The following CLMP variants were observed in gnomAD, a reference collection of about 807,000 sequenced individuals.
The protein encoded by CLMP is CXADR like cell adhesion molecule, also known as CXADR-like membrane protein.
In CLMP, 27 loss-of-function variants were observed where a neutral mutation model predicts 45.2. The ratio of observed to expected loss-of-function variants is 0.60; its 90% CI spans 0.44 to 0.82. The LOEUF is 0.82. Ranked by LOEUF, CLMP falls within the 40% of genes least tolerant of loss-of-function variation. The pLI is 0.00. For missense variants in CLMP, 403 were observed against 448.4 expected (o/e 0.90, Z 0.91); for synonymous variants, 167 against 171.4 (o/e 0.97, Z 0.20).
Position 123,074,753 on chromosome 11 carries a change from C to A in CLMP, c.770G>T (p.Arg257Leu). The change falls in exon 6 of 7, where the codon CGA (arginine) becomes CTA (leucine). Residue 257 changes from arginine to leucine, a missense_variant. Transcript: ENST00000448775. ...LIFLLVWLLI[R>L]RKDKERYEEE... ...CTCATATCTTTCTTTGTCTTTCCTTCGGATTAGCAGCCACACCAAGAGGAA... is the reference window on the plus strand; with the variant it reads ...CTCATATCTTTCTTTGTCTTTCCTTAGGATTAGCAGCCACACCAAGAGGAA... 1 of 1,614,136 alleles carries A rather than the reference C, an allele frequency of 6.2e-7. No homozygotes were observed. The highest frequency in any genetic ancestry group is 8.5e-7 in the Non-Finnish European group (1 of 1,180,022).
chr11:123,175,146 G>A (rs1246527619), intron 1 of CLMP, among the ~76,000 whole-genome samples: 3 of 152,014 alleles, frequency 2.0e-5, no homozygotes, highest in Non-Finnish European at 4.4e-5. Flanking sequence ...TTTAAGAGAC[G>A]GGGTGTATTA....
intron 1 of CLMP, among the ~76,000 whole-genome samples, chr11:123,132,406 A>G (rs912118646): frequency 1.3e-5 from 2 of 152,092 alleles, no homozygotes; most frequent in Non-Finnish European, 2.9e-5. Context: ...CTGTGCTCTG[A>G]GGTGATAACT....
At chr11:123,160,536 A>C (rs576584639) in intron 1 of CLMP, among the ~76,000 whole-genome samples, 1 of 152,304 alleles carries the variant, frequency 6.6e-6, no homozygotes, top group African/African-American at 2.4e-5. Context: ...GAGCTGAATT[A>C]TGCAGAATTA....
intron 1 of CLMP, among the ~76,000 whole-genome samples, chr11:123,107,121 C>A (rs1165717355): frequency 6.6e-6 from 1 of 151,360 alleles, no homozygotes; most frequent in East Asian, 1.9e-4. Flanking sequence ...AGTGCAGTGG[C>A]ACAATCATAA....
intron 2 of CLMP, among the ~76,000 whole-genome samples, chr11:123,093,500 C>T (rs1231759239): frequency 7.0e-6 from 1 of 142,756 alleles, no homozygotes; most frequent in Non-Finnish European, 1.5e-5. Flanking sequence ...GTGCCTACCA[C>T]CATGCCTGGC....
chr11:123,102,077 G>A (rs1490256530), intron 1 of CLMP, among the ~76,000 whole-genome samples: 2 of 151,982 alleles, frequency 1.3e-5, no homozygotes, highest in Non-Finnish European at 2.9e-5. Flanking sequence ...CCAGCTACTT[G>A]GGGGGCTGAG....
intron 1 of CLMP, among the ~76,000 whole-genome samples, chr11:123,173,923 A>T (rs1053183244): frequency 7.9e-5 from 12 of 152,084 alleles, no homozygotes; most frequent in Admixed American, 2.0e-4. Flanking sequence ...CTCTACAAGA[A>T]ATCCAAAAAA....
intron 1 of CLMP, among the ~76,000 whole-genome samples, chr11:123,119,052 CCTCTCTCTCT>C (rs759949891): frequency 0.13 from 2,438 of 19,390 alleles, 408 homozygotes; most frequent in African/African-American, 0.21. Flanking sequence ...TCTCCCTCTC[CCTCTCTCTCT>C]CTCTCTCTCT....
intron 1 of CLMP, among the ~76,000 whole-genome samples, chr11:123,139,263 T>C (rs1861121728): frequency 6.6e-6 from 1 of 151,828 alleles, no homozygotes; most frequent in Non-Finnish European, 1.5e-5. Flanking sequence ...GAGATTCCTA[T>C]TGAATTGAAA....
rs1453186650 is a variant in CLMP, at chr11:123,083,088, G to C, written c.676C>G (p.Gln226Glu). 6.2e-7 allele frequency: 1 copy of C among 1,614,128 alleles called. No homozygotes were observed. The highest frequency in any genetic ancestry group is 8.5e-7 in the Non-Finnish European group (1 of 1,180,004). Residue 226 changes from glutamine to glutamate, a missense_variant, in exon 5 of 7, where the codon CAG becomes GAG. By Grantham distance (29) the Gln-to-Glu change is conservative. Transcript: ENST00000448775. ...KESCVVRVTV[Q>E]YVQSIGMVAG... ...TAAAACCTCTTTGGATGCTTACACT[G>C]TACAGTTACTCGCACCACACAGCTT...
At chr11:123,074,921 C>G (rs1865718642) in intron 5 of CLMP, 78 bp from the exon 6 acceptor site, 14 of 1,479,384 alleles carry the variant, frequency 9.5e-6, no homozygotes, top group Non-Finnish European at 8.2e-6. Context: ...AAAACATAAG[C>G]TCTGGACAGA....
chr11:123,165,167 T>G (rs1252836327), intron 1 of CLMP, among the ~76,000 whole-genome samples: 1 of 152,190 alleles, frequency 6.6e-6, no homozygotes, highest in African/African-American at 2.4e-5. Flanking sequence ...CCATAGCATC[T>G]TCTGATCTGT....
chr11:123,194,299 T>C (rs1282259071), intron 1 of CLMP, among the ~76,000 whole-genome samples: 1 of 152,196 alleles, frequency 6.6e-6, no homozygotes, highest in African/African-American at 2.4e-5. Context: ...CTCTCTGTGC[T>C]CGGACTCCCC....
At chr11:123,167,743 T>C (rs1383136593) in intron 1 of CLMP, among the ~76,000 whole-genome samples, 3 of 152,092 alleles carry the variant, frequency 2.0e-5, no homozygotes, top group Non-Finnish European at 2.9e-5. Flanking sequence ...GGGCTTGTAG[T>C]AGGAGTTGAA....
chr11:123,080,899 C>T (rs1353184787), intron 5 of CLMP, among the ~76,000 whole-genome samples: 1 of 151,992 alleles, frequency 6.6e-6, no homozygotes, highest in Non-Finnish European at 1.5e-5. Context: ...GATCCCAGCA[C>T]TTTGGGAGGC....
In CLMP at chr11:123,109,453, G is replaced by A. The variant is rs573603106; in HGVS notation, c.29-11501C>T. 3.5e-4 allele frequency among the ~76,000 whole-genome samples: 53 copies of A among 152,260 alleles called. No homozygotes were observed. The South Asian group carries it at 9.1e-3, about 26-fold the overall frequency. ...ACCACACAGCTAAGGCCACACTGCC[G>A]ATATTCCATCACTAGTTTTTATTAT... is the stretch of plus-strand genomic sequence containing the variant. On this transcript the variant is annotated intron_variant, in intron 1 of 6. Coordinates refer to ENST00000448775, the MANE Select transcript of CLMP (RefSeq NM_024769.5).
intron 3 of CLMP, 98 bp downstream of exon 3, chr11:123,084,414 C>T: frequency 3.1e-6 from 3 of 971,310 alleles, no homozygotes; most frequent in Non-Finnish European, 4.8e-6. Flanking sequence ...ATCCAAAGTA[C>T]TGAACATGAT....
At chr11:123,189,541 T>C (rs910755027) in intron 1 of CLMP, among the ~76,000 whole-genome samples, 1 of 152,208 alleles carries the variant, frequency 6.6e-6, no homozygotes, top group South Asian at 2.1e-4. Flanking sequence ...TTAATTATAC[T>C]GTCATAATAT....
chr11:123,135,431 C>T (rs1313250111), intron 1 of CLMP, among the ~76,000 whole-genome samples: 3 of 151,980 alleles, frequency 2.0e-5, no homozygotes, highest in Non-Finnish European at 4.4e-5. Context: ...CAAGAGGGAA[C>T]AGTGAAAAAC....
Sources: allele counts gnomAD v4.1 joint callset (sites outside exome capture counted in the v4.1 genomes callset), GRCh38; gene constraint gnomAD v4.1.1; transcripts MANE v1.5; gene names NCBI Gene and HGNC (gene_info 2026-07-23, HGNC 2026-07-21).